The following CDK7 variants were observed in gnomAD, a reference collection of about 807,000 sequenced individuals.
The protein encoded by CDK7 is cyclin dependent kinase 7.
CDK7 carries 25 observed loss-of-function variants against 49.1 expected under a neutral mutation model. That is an observed-to-expected ratio of 0.51 (90% CI 0.37 to 0.71). The LOEUF (loss-of-function observed/expected upper bound fraction) is 0.71. Ranked by LOEUF, CDK7 falls within the 30% of genes least tolerant of loss-of-function variation. The pLI is 0.00. For missense variants in CDK7, 316 were observed against 411.7 expected, an observed-to-expected ratio of 0.77 and a Z score of 2.01; for synonymous variants, 107 against 140.0, an observed-to-expected ratio of 0.76 and a Z score of 1.67.
intron 5 of CDK7, among the ~76,000 whole-genome samples, chr5:69,257,582 G>C (rs1255343184): frequency 1.3e-5 from 2 of 152,132 alleles, no homozygotes; most frequent in Admixed American, 6.6e-5. Context: ...TCTAGCACAA[G>C]TACTTGGCCT....
At chr5:69,238,207 G>C (rs1211662635) in intron 2 of CDK7, among the ~76,000 whole-genome samples, 1 of 150,990 alleles carries the variant, frequency 6.6e-6, no homozygotes, top group Non-Finnish European at 1.5e-5. Flanking sequence ...GGCCTTTTGG[G>C]TTATATCTCA....
intron 10 of CDK7, among the ~76,000 whole-genome samples, chr5:69,274,620 A>G (rs1399189094): frequency 2.0e-5 from 3 of 152,016 alleles, no homozygotes; most frequent in African/African-American, 7.2e-5. Flanking sequence ...GGAAGTATTT[A>G]TTTATTTATT....
At chr5:69,273,916 T>C (rs1446586739) in intron 10 of CDK7, among the ~76,000 whole-genome samples, 1 of 152,154 alleles carries the variant, frequency 6.6e-6, no homozygotes, top group African/African-American at 2.4e-5. Context: ...TAGATAGATA[T>C]AGATGGATAG....
At chr5:69,246,121 A>G (rs1749737779) in intron 2 of CDK7, among the ~76,000 whole-genome samples, 1 of 151,622 alleles carries the variant, frequency 6.6e-6, no homozygotes, top group South Asian at 2.1e-4. Context: ...CTAGAGCAGG[A>G]GTGGAAGTTT....
chr5:69,252,093 C>T (rs1402224585), intron 2 of CDK7, among the ~76,000 whole-genome samples: 1 of 152,074 alleles, frequency 6.6e-6, no homozygotes, highest in Non-Finnish European at 1.5e-5. Flanking sequence ...TTTGAAGTTA[C>T]GTATTTATTT....
rs2150236119 is a variant in CDK7 at position 69,273,034 on chromosome 5, C to T, written c.857C>T (p.Ala286Val). Residue 286 changes from alanine to valine, a missense_variant, in exon 10 of 12, where the codon GCC becomes GTC. Physicochemically the swap from Ala to Val is moderately conservative, Grantham distance 64. Transcript: ENST00000256443. ...FLFNPCARIT[A>V]TQALKMKYFS... ...TTTAATCCATGTGCTCGAATTACGG[C>T]CACACAGGTATTTTGGTGTATCTTT... 2 of 1,536,816 alleles carry T rather than the reference C, an allele frequency of 1.3e-6. No homozygotes were observed. The highest frequency in any genetic ancestry group is 1.8e-6 in the Non-Finnish European group (2 of 1,133,990).
chr5:69,240,755 G>A (rs1261814977), intron 2 of CDK7, among the ~76,000 whole-genome samples: 1 of 152,108 alleles, frequency 6.6e-6, no homozygotes, highest in Admixed American at 6.6e-5. Context: ...AGCCTCCCGA[G>A]TAGCTGGGAT....
chr5:69,273,049 G>T lies in CDK7; in HGVS notation c.864+8G>T. 6.7e-7 allele frequency: 1 copy of T among 1,494,146 alleles called. No individual in the cohort carries two copies. Among genetic ancestry groups the T allele is most frequent in the Non-Finnish European group, 9.0e-7 (1 of 1,109,510 alleles). The allele number at this position is 1,494,146 out of a possible 1,614,324, so 92.6% of individuals were successfully genotyped here. ...CGAATTACGGCCACACAGGTATTTTGGTGTATCTTTTTTATACTAGGAAAT... is the reference window on the plus strand; with the variant it reads ...CGAATTACGGCCACACAGGTATTTTTGTGTATCTTTTTTATACTAGGAAAT... On this transcript the variant is annotated splice_region_variant and intron_variant, in intron 10 of 11. Transcript: ENST00000256443.
intron 5 of CDK7, among the ~76,000 whole-genome samples, chr5:69,257,357 G>T (rs921730053): frequency 1.3e-5 from 2 of 152,152 alleles, no homozygotes; most frequent in Non-Finnish European, 2.9e-5. Context: ...GGAACTTTTA[G>T]TTCCTAACTG....
In CDK7 at chr5:69,254,661, A is replaced by G; in HGVS notation, c.220A>G (p.Ile74Val). ...ATTACAGGAGCTAAGTCATCCAAAT[A>G]TAATTGGTGTGAGTATGATCAAAAC... Reference protein sequence around the residue: ...KLLQELSHPNIIGLLDAFGHK... With the variant: ...KLLQELSHPNVIGLLDAFGHK... The change falls in exon 4 of 12, where the codon ATA becomes GTA. Residue 74 changes from isoleucine to valine, a missense_variant. Transcript: ENST00000256443. 1.3e-6 allele frequency: 2 copies of G among 1,516,676 alleles called. No homozygotes were observed. The highest frequency in any genetic ancestry group is 1.8e-6 in the Non-Finnish European group (2 of 1,091,292). The allele number at this position is 1,516,676 out of a possible 1,614,324, so 94.0% of individuals were successfully genotyped here. A position where few individuals can be genotyped will look rare whatever the true frequency, so the allele number is the denominator to read the frequency against.
upstream of CDK7, chr5:69,234,841 G>A (rs1409867594): frequency 5.3e-5 from 46 of 862,692 alleles, no homozygotes; most frequent in Non-Finnish European, 7.7e-5. Context: ...CGCCCACCAC[G>A]GAAGTGAGGC....
intron 8 of CDK7, among the ~76,000 whole-genome samples, chr5:69,266,800 A>T (rs1282442167): frequency 6.6e-6 from 1 of 152,186 alleles, no homozygotes; most frequent in Non-Finnish European, 1.5e-5. Flanking sequence ...ATATAAACCA[A>T]GTTGTCAAAG....
intron 2 of CDK7, among the ~76,000 whole-genome samples, chr5:69,246,400 C>G (rs1455369477): frequency 1.3e-5 from 2 of 151,950 alleles, no homozygotes; most frequent in Non-Finnish European, 2.9e-5. Flanking sequence ...CTTCCAAAGT[C>G]CTGGGATTAC....
chr5:69,258,261 T>C (rs1750608412), intron 6 of CDK7, 108 bp downstream of exon 6: 3 of 574,788 alleles, frequency 5.2e-6, no homozygotes, highest in Non-Finnish European at 9.1e-6. Flanking sequence ...TATAGCTGAC[T>C]GTTTTATCCC....
chr5:69,243,835 T>TTG (rs925393136), intron 2 of CDK7, among the ~76,000 whole-genome samples: 14 of 132,402 alleles, frequency 1.1e-4, no homozygotes, highest in African/African-American at 4.4e-4. Context: ...TGTTTTTTTT[T>TTG]TTTTTTTTTT....
chr5:69,269,639 T>C (rs1751394277), intron 9 of CDK7, among the ~76,000 whole-genome samples: 1 of 152,136 alleles, frequency 6.6e-6, no homozygotes, highest in African/African-American at 2.4e-5. Flanking sequence ...GTTCACGTCG[T>C]ATATATACAC....
chr5:69,276,081 G>T (rs1752106221), intron 10 of CDK7, among the ~76,000 whole-genome samples: 1 of 152,124 alleles, frequency 6.6e-6, no homozygotes, highest in African/African-American at 2.4e-5. Context: ...CCAGGCTGGA[G>T]TGCAGTGGTG....
At position 69,262,271 on chromosome 5, in the gene CDK7, T is replaced by C; in HGVS notation, c.594T>C (p.Ala198=). The change falls in exon 8 of 12, where the codon GCT becomes GCC. Residue 198 remains alanine (A), a synonymous_variant. Transcript: ENST00000256443. The stretch of plus-strand genomic sequence containing the variant: ...ATGGTGTAGGTGTGGACATGTGGGC[T>C]GTTGGCTGTATATTAGCAGAGTTAC... ...RMYGVGVDMW[A]VGCILAELLL... is the part of the protein sequence containing the mutation. 2 of 1,614,148 alleles carry C rather than the reference T, an allele frequency of 1.2e-6. No homozygotes were observed. The highest frequency in any genetic ancestry group is 1.7e-6 in the Non-Finnish European group (2 of 1,180,000).
At chr5:69,268,247 C>T (rs1250667291) in intron 8 of CDK7, among the ~76,000 whole-genome samples, 3 of 152,290 alleles carry the variant, frequency 2.0e-5, no homozygotes, top group South Asian at 4.1e-4. Flanking sequence ...CTCGTACTTA[C>T]TCAACACACC....
Sources: gnomAD v4.1 joint callset for allele counts (sites outside exome capture counted in the v4.1 genomes callset) on GRCh38, gnomAD v4.1.1 for gene constraint, MANE v1.5 for transcripts, NCBI Gene and HGNC (gene_info 2026-07-23, HGNC 2026-07-21) for gene names.